Variants in KIF26B observed in about 807,000 individuals in gnomAD.
The protein encoded by KIF26B is kinesin family member 26B.
In KIF26B, 63 loss-of-function variants were observed where a neutral mutation model predicts 151.2. The ratio of observed to expected loss-of-function variants is 0.42; its 90% CI spans 0.34 to 0.51. The LOEUF is 0.51. Among genes scored for constraint, KIF26B ranks in the 20% least tolerant of loss-of-function variants. The pLI, the probability that KIF26B is intolerant of heterozygous loss-of-function variation, is 0.07. For synonymous variants in KIF26B, 1,357 were observed against 1,262.1 expected (o/e 1.08, Z -1.59); for missense variants, 2,813 against 2,913.6 (o/e 0.97, Z 0.79).
At chr1:245,325,790 A>C (rs1312006557) in intron 2 of KIF26B, among the ~76,000 whole-genome samples, 3 of 152,078 alleles carry the variant, frequency 2.0e-5, no homozygotes, top group African/African-American at 4.8e-5. Flanking sequence ...CAATCCAATG[A>C]ATCCTGGGAC....
chr1:245,184,466 G>A (rs1668967609), intron 2 of KIF26B, among the ~76,000 whole-genome samples: 2 of 152,110 alleles, frequency 1.3e-5, no homozygotes, highest in Admixed American at 1.3e-4. Context: ...GTGCACACAG[G>A]TACACAAATG....
intron 2 of KIF26B, among the ~76,000 whole-genome samples, chr1:245,190,033 C>T (rs989907249): frequency 2.0e-5 from 3 of 151,890 alleles, no homozygotes; most frequent in Non-Finnish European, 4.4e-5. Context: ...CCTCCCCGGT[C>T]CCTCCCACAA....
rs780658100 is a variant in KIF26B, at chr1:245,602,717, G to A, written c.1491G>A (p.Lys497=). 3 of 1,614,080 alleles carry A rather than the reference G, an allele frequency of 1.9e-6. No individual in the cohort carries two copies. The East Asian group carries it at 6.7e-5, about 36-fold the overall frequency. Residue 497 remains lysine (K), a synonymous_variant, in exon 6 of 15, where the codon AAG becomes AAA. Coordinates refer to ENST00000407071, the MANE Select transcript of KIF26B (RefSeq NM_018012.4). The surrounding 1 kb of genome is among the most constrained non-coding windows in gnomAD (Gnocchi z 4.5). The stretch of plus-strand genomic sequence containing the variant: ...GTGGAGGTCAAAATGCCTTCCAAAA[G>A]AGAGGCAACCAGGTTCCTCCAAAGA... The part of the protein sequence containing the change: ...LTCGGQNAFQ[K]RGNQVPPKMF...
At chr1:245,568,573 T>C (rs1003844325) in intron 5 of KIF26B, among the ~76,000 whole-genome samples, 3 of 152,178 alleles carry the variant, frequency 2.0e-5, no homozygotes, top group Admixed American at 1.3e-4. Flanking sequence ...GGTATTTCCT[T>C]TGCTATATGC....
chr1:245,558,329 G>T lies in KIF26B; in HGVS notation c.1350+17379G>T, dbSNP rs555620415. ...CCTCTAGTTCCTGCTTCTCTCGCCTGCCCCCTTGACTCCAGTGAGTAGTTT... is the reference window on the plus strand; with the variant it reads ...CCTCTAGTTCCTGCTTCTCTCGCCTTCCCCCTTGACTCCAGTGAGTAGTTT... On this transcript the variant is annotated intron_variant, in intron 5 of 14. Transcript: ENST00000407071. Among the ~76,000 whole-genome samples, 52 of 152,204 alleles carry T rather than the reference G, an allele frequency of 3.4e-4. No homozygotes were observed. In the South Asian group the frequency reaches 0.011, roughly 32 times the overall value.
chr1:245,303,859 T>C (rs1671488210), intron 2 of KIF26B, among the ~76,000 whole-genome samples: 1 of 152,184 alleles, frequency 6.6e-6, no homozygotes, highest in Non-Finnish European at 1.5e-5. Flanking sequence ...CAAAGTGACA[T>C]CGTCTTTGGC....
intron 2 of KIF26B, among the ~76,000 whole-genome samples, chr1:245,362,365 A>T (rs1672841949): frequency 1.0e-5 from 1 of 99,052 alleles, no homozygotes. Flanking sequence ...CGTCTCTACT[A>T]AAAAAAAAAA....
intron 2 of KIF26B, among the ~76,000 whole-genome samples, chr1:245,285,998 T>A (rs1303794674): frequency 4.2e-4 from 46 of 110,746 alleles, no homozygotes; most frequent in Admixed American, 5.0e-4. Context: ...ACCCTCTCTC[T>A]AAAAAAAAAA....
intron 4 of KIF26B, among the ~76,000 whole-genome samples, chr1:245,489,544 A>G (rs1660353051): frequency 6.6e-6 from 1 of 152,232 alleles, no homozygotes; most frequent in Non-Finnish European, 1.5e-5. Flanking sequence ...AGTACATTTT[A>G]AACACAGCAC....
chr1:245,278,655 A>G (rs964208313), intron 2 of KIF26B, among the ~76,000 whole-genome samples: 3 of 152,164 alleles, frequency 2.0e-5, no homozygotes, highest in African/African-American at 7.2e-5. Flanking sequence ...AATAAATTCT[A>G]CCTACTCCTA....
intron 2 of KIF26B, chr1:245,234,360 GCACT>G (rs1331687516): frequency 6.6e-6 from 1 of 152,260 alleles, no homozygotes; most frequent in African/African-American, 2.4e-5. Flanking sequence ...CTTGTACCTC[GCACT>G]CACACTCACA....
chr1:245,231,704 G>A (rs1670002150), intron 2 of KIF26B, among the ~76,000 whole-genome samples: 1 of 152,018 alleles, frequency 6.6e-6, no homozygotes, highest in South Asian at 2.1e-4. Flanking sequence ...AGGAGGAAGA[G>A]GAGGAAGAAA....
intron 4 of KIF26B, among the ~76,000 whole-genome samples, chr1:245,498,527 C>T (rs745557313): frequency 5.9e-5 from 9 of 152,100 alleles, no homozygotes; most frequent in Non-Finnish European, 1.2e-4. Context: ...GCAATCAGAG[C>T]GTGCATATAA....
chr1:245,283,630 A>G (rs12753429), intron 2 of KIF26B, among the ~76,000 whole-genome samples: 17,977 of 151,646 alleles, frequency 0.12, 1,321 homozygotes, highest in African/African-American at 0.2. Context: ...TAGTGTAAAG[A>G]TAAGGTTTAA....
At chr1:245,548,501 C>T (rs115188576) in intron 5 of KIF26B, among the ~76,000 whole-genome samples, 2,767 of 152,194 alleles carry the variant, frequency 0.018, 85 homozygotes, top group African/African-American at 0.063. Flanking sequence ...TCATGCCACA[C>T]GCTGGCAAAG....
In KIF26B at chr1:245,560,006, G is replaced by A. The variant is rs1029502005; in HGVS notation, c.1350+19056G>A. On this transcript the variant is annotated intron_variant, in intron 5 of 14. Transcript: ENST00000407071. This position sits in a 1 kb window ranked among gnomAD's most constrained non-coding sequence, Gnocchi z 4.3. ...GTTCATCTGCTGTCGTCTCTGCCAG[G>A]GATGCTCGTCTCTCATTCGTTTTTT... Among the ~76,000 whole-genome samples the A allele has an allele frequency of 2.6e-5, 4 of 152,138 alleles. No homozygotes were observed. The highest frequency in any genetic ancestry group is 1.3e-4 in the Admixed American group (2 of 15,290).
chr1:245,680,022 C>T (rs534174122), intron 10 of KIF26B, among the ~76,000 whole-genome samples: 7 of 152,288 alleles, frequency 4.6e-5, no homozygotes, highest in African/African-American at 1.7e-4. Flanking sequence ...CGGCCCTGCA[C>T]GCTTCTTCCT....
At chr1:245,442,639 G>A (rs1322692613) in intron 4 of KIF26B, among the ~76,000 whole-genome samples, 1 of 148,174 alleles carries the variant, frequency 6.7e-6, no homozygotes, top group Non-Finnish European at 1.5e-5. Flanking sequence ...GGAAGCAGCA[G>A]AGGTGAGCGG....
At chr1:245,656,791 T>A (rs1436810794) in intron 10 of KIF26B, among the ~76,000 whole-genome samples, 1 of 152,184 alleles carries the variant, frequency 6.6e-6, no homozygotes, top group African/African-American at 2.4e-5. Flanking sequence ...CAATTGAGCA[T>A]TAACAGATTT....
Sources: allele counts gnomAD v4.1 joint callset (sites outside exome capture counted in the v4.1 genomes callset), GRCh38; gene constraint gnomAD v4.1.1; non-coding constraint Gnocchi (gnomAD v3.1); transcripts MANE v1.5; gene names NCBI Gene and HGNC (gene_info 2026-07-23, HGNC 2026-07-21).